ASTN2: variants seen among roughly 807,000 people sequenced by gnomAD.
ASTN2 encodes astrotactin 2.
Under a neutral mutation model 139.8 loss-of-function variants are expected in ASTN2, and 54 were observed. The observed-to-expected ratio is 0.39, with a 90% CI of 0.31 to 0.48. The LOEUF (loss-of-function observed/expected upper bound fraction) is 0.48. ASTN2 is among the 20% of genes least tolerant of loss of function. The pLI is 0.95. For missense variants in ASTN2, 1,565 were observed against 1,725.1 expected (o/e 0.91, Z 1.64); for synonymous variants, 756 against 719.5 (o/e 1.05, Z -0.81).
intron 20 of ASTN2, among the ~76,000 whole-genome samples, chr9:116,473,761 G>C (rs1009202216): frequency 8.5e-5 from 13 of 152,088 alleles, no homozygotes; most frequent in Non-Finnish European, 1.6e-4. Context: ...AAATTAGCTG[G>C]GCGTGTTGGT....
intron 2 of ASTN2, among the ~76,000 whole-genome samples, chr9:117,239,587 C>T (rs960954788): frequency 6.6e-6 from 1 of 152,138 alleles, no homozygotes; most frequent in Non-Finnish European, 1.5e-5. Flanking sequence ...AGGGATAACC[C>T]CCCTCCATCC....
chr9:116,626,635 T>C (rs1856477390), intron 17 of ASTN2, among the ~76,000 whole-genome samples: 4 of 151,716 alleles, frequency 2.6e-5, no homozygotes, highest in Admixed American at 1.3e-4. Flanking sequence ...GACAGTGGGG[T>C]TGATACCTTT....
chr9:116,806,950 A>G (rs1462398104), intron 12 of ASTN2, among the ~76,000 whole-genome samples: 1 of 152,204 alleles, frequency 6.6e-6, no homozygotes, highest in Non-Finnish European at 1.5e-5. Flanking sequence ...TTTCTGCTTT[A>G]CACATAAGCA....
intron 12 of ASTN2, among the ~76,000 whole-genome samples, chr9:116,811,840 T>C (rs1397329417): frequency 2.6e-5 from 4 of 152,216 alleles, no homozygotes; most frequent in African/African-American, 9.6e-5. Flanking sequence ...AATTTATTTC[T>C]ATTGGTTCTC....
At chr9:117,238,525 G>T (rs1003543040) in intron 2 of ASTN2, among the ~76,000 whole-genome samples, 3 of 152,212 alleles carry the variant, frequency 2.0e-5, no homozygotes. Flanking sequence ...AAGGCCAACA[G>T]CTCTGGCTCT....
intron 3 of ASTN2, among the ~76,000 whole-genome samples, chr9:117,144,657 C>T (rs867227241): frequency 3.6e-5 from 4 of 112,092 alleles, no homozygotes; most frequent in Middle Eastern, 0.011. Context: ...GGAGTGAACA[C>T]TAGTTTTTTT....
At chr9:116,511,172 G>A (rs10481681) in intron 19 of ASTN2, among the ~76,000 whole-genome samples, 3 of 152,264 alleles carry the variant, frequency 2.0e-5, no homozygotes, top group Non-Finnish European at 2.9e-5. Flanking sequence ...TTTGAGATAC[G>A]TCCGATCAAT....
At chr9:116,476,966 C>T (rs1848999826) in intron 20 of ASTN2, among the ~76,000 whole-genome samples, 1 of 152,096 alleles carries the variant, frequency 6.6e-6, no homozygotes, top group Non-Finnish European at 1.5e-5. Context: ...TCCCCTCCGC[C>T]TGCAGGAGAA....
chr9:116,661,414 A>C (rs1482217242), intron 16 of ASTN2, among the ~76,000 whole-genome samples: 1 of 152,184 alleles, frequency 6.6e-6, no homozygotes, highest in African/African-American at 2.4e-5. Context: ...GAGTAAAAGA[A>C]TTCTGAAAGA....
intron 3 of ASTN2, chr9:117,181,104 A>C (rs112877741): frequency 2.1e-6 from 2 of 968,862 alleles, no homozygotes; most frequent in Non-Finnish European, 3.3e-6. Flanking sequence ...CCATACAACA[A>C]ACAGGCTGCA....
intron 10 of ASTN2, among the ~76,000 whole-genome samples, chr9:116,966,705 T>TAAAA (rs199969584): frequency 1.4e-5 from 2 of 142,582 alleles, no homozygotes; most frequent in African/African-American, 2.6e-5. Flanking sequence ...TCATTTTCTT[T>TAAAA]AAAAAAAAAA....
intron 1 of ASTN2, among the ~76,000 whole-genome samples, chr9:117,301,383 T>C (rs1834871488): frequency 6.6e-6 from 1 of 152,164 alleles, no homozygotes; most frequent in African/African-American, 2.4e-5. Context: ...GAACTAACCT[T>C]TGCTAACACC....
At chr9:116,921,649 A>C (rs1264757584) in intron 10 of ASTN2, among the ~76,000 whole-genome samples, 1 of 151,942 alleles carries the variant, frequency 6.6e-6, no homozygotes, top group East Asian at 1.9e-4. Context: ...AGGAGGTTTA[A>C]TTGACTTACA....
At chr9:116,537,928 C>T (rs2119331562) in intron 19 of ASTN2, among the ~76,000 whole-genome samples, 1 of 152,258 alleles carries the variant, frequency 6.6e-6, no homozygotes, top group South Asian at 2.1e-4. Flanking sequence ...CACAACAAAC[C>T]TTCCAGGATA....
intron 19 of ASTN2, among the ~76,000 whole-genome samples, chr9:116,516,284 G>A (rs1850645548): frequency 6.6e-6 from 1 of 152,158 alleles, no homozygotes; most frequent in Non-Finnish European, 1.5e-5. Flanking sequence ...TTGAAAGAGA[G>A]CACAAAATGG....
intron 10 of ASTN2, among the ~76,000 whole-genome samples, chr9:116,935,311 C>T (rs997355319): frequency 1.3e-5 from 2 of 152,178 alleles, no homozygotes; most frequent in African/African-American, 4.8e-5. Flanking sequence ...CTTATCCCTT[C>T]TGTTTAAAAT....
At chr9:117,129,101 T>C (rs1829770822) in intron 4 of ASTN2, among the ~76,000 whole-genome samples, 1 of 152,158 alleles carries the variant, frequency 6.6e-6, no homozygotes, top group Admixed American at 6.5e-5. Context: ...CAACATGGAA[T>C]TGGTTAGGTC....
intron 1 of ASTN2, among the ~76,000 whole-genome samples, chr9:117,347,281 C>T (rs1023463740): frequency 2.0e-5 from 3 of 151,926 alleles, no homozygotes; most frequent in African/African-American, 7.3e-5. Flanking sequence ...TTTAGAAATT[C>T]CTTCATAGAT....
At chr9:117,103,863 CT>C (rs2132769477) in intron 4 of ASTN2, among the ~76,000 whole-genome samples, 1 of 152,306 alleles carries the variant, frequency 6.6e-6, no homozygotes, top group Non-Finnish European at 1.5e-5. Flanking sequence ...CCCACACCCC[CT>C]ATACCACACA....
Sources: gnomAD v4.1 joint callset for allele counts (sites outside exome capture counted in the v4.1 genomes callset) on GRCh38, gnomAD v4.1.1 for gene constraint, MANE v1.5 for transcripts, NCBI Gene and HGNC (gene_info 2026-07-23, HGNC 2026-07-21) for gene names.